DHX30: variants seen among roughly 807,000 people sequenced by gnomAD.
DHX30 encodes ATP-dependent RNA helicase DHX30.
In DHX30, 4 loss-of-function variants were observed where a neutral mutation model predicts 116.9. The ratio of observed to expected loss-of-function variants is 0.03; its 90% CI spans 0.02 to 0.08. DHX30 has a LOEUF of 0.08. Among genes scored for constraint, DHX30 ranks in the 10% least tolerant of loss-of-function variants. The probability of loss-of-function intolerance (pLI) is 1.00; values close to 1 mark genes in which losing one functional copy is unlikely to be tolerated. For synonymous variants in DHX30, 697 were observed against 651.7 expected, an observed-to-expected ratio of 1.07 and a Z score of -1.06; for missense variants, 871 against 1,595.1, an observed-to-expected ratio of 0.55 and a Z score of 7.73.
chr3:47,847,031 T>G lies in DHX30; in HGVS notation c.1929+30T>G. ...GGGACACCCCCATCCCACCCAAGGC[T>G]CCTGGCCTTTCCTCCGTGGATGCCC... On this transcript the variant is annotated intron_variant, in intron 11 of 21. Transcript: ENST00000445061. The surrounding 1 kb of genome is among the most constrained non-coding windows in gnomAD (Gnocchi z 5.5). 6.3e-7 allele frequency: 1 copy of G among 1,586,210 alleles called. No individual in the cohort carries two copies. Among genetic ancestry groups the G allele is most frequent in the Non-Finnish European group, 8.6e-7 (1 of 1,164,722 alleles).
chr3:47,840,861 C>A lies in DHX30; in HGVS notation c.367-16C>A. On this transcript the variant is annotated splice_polypyrimidine_tract_variant and intron_variant, in intron 6 of 21. Transcript: ENST00000445061. Reference sequence around the variant, plus strand: ...AAGATGGTATCAATCCTTAAAACGTCCCTTTTCCCCTCCAGGGTTGGGGTC... The same window carrying A: ...AAGATGGTATCAATCCTTAAAACGTACCTTTTCCCCTCCAGGGTTGGGGTC... The A allele has an allele frequency of 6.2e-7, 1 of 1,614,062 alleles. No homozygotes were observed. Among genetic ancestry groups the A allele is most frequent in the Non-Finnish European group, 8.5e-7 (1 of 1,180,012 alleles).
rs1286671771 is a variant in DHX30, at chr3:47,850,074, G to A, written c.3539G>A (p.Arg1180Gln). The A allele has an allele frequency of 4.4e-6, 7 of 1,597,206 alleles. No homozygotes were observed. The highest frequency in any genetic ancestry group is 4.3e-6 in the Non-Finnish European group (5 of 1,173,930). The change falls in exon 22 of 22, where the codon CGA becomes CAA. Residue 1180 changes from arginine to glutamine, a missense_variant. Physicochemically the swap from Arg to Gln is conservative, Grantham distance 43 (BLOSUM62 1). Transcript: ENST00000445061. ...QLLALLAELLRGPCGSFDVRK... is the reference protein window; with the variant it reads ...QLLALLAELLQGPCGSFDVRK... The stretch of plus-strand genomic sequence containing the variant: ...CTTGCGCTACTGGCAGAGCTGCTGC[G>A]AGGACCCTGTGGCAGCTTTGATGTG...
Position 47,847,231 on chromosome 3 carries a change from T to TA in DHX30, c.1930-41dup. The TA allele has an allele frequency of 3.7e-6, 6 of 1,613,240 alleles. No individual in the cohort carries two copies. Among genetic ancestry groups the TA allele is most frequent in the Non-Finnish European group, 5.1e-6 (6 of 1,179,204 alleles). The stretch of plus-strand genomic sequence containing the variant: ...TGGCTGTGTCCTTGGCATGACCCCT[T>TA]ACCCCGGGGCTGTGACTGTGGCCTC... On this transcript the variant is annotated intron_variant, in intron 11 of 21. Coordinates refer to ENST00000445061, the MANE Select transcript of DHX30 (RefSeq NM_138615.3). This position sits in a 1 kb window ranked among gnomAD's most constrained non-coding sequence, Gnocchi z 5.5.
chr3:47,818,460 C>T (rs1401312350), intron 4 of DHX30, among the ~76,000 whole-genome samples: 2 of 152,106 alleles, frequency 1.3e-5, no homozygotes, highest in African/African-American at 2.4e-5. Flanking sequence ...TCAGGTGGCT[C>T]AGAGAGCAGG....
chr3:47,810,704 C>G lies in DHX30; in HGVS notation c.21C>G (p.Phe7Leu), dbSNP rs1204790603. The G allele has an allele frequency of 1.9e-6, 3 of 1,614,106 alleles. No individual in the cohort carries two copies. The South Asian group carries it at 3.3e-5, about 18-fold the overall frequency. MFSLDS[F>L]RKDRAQHRQR... is the part of the protein sequence containing the mutation. ...CAGAAATGTTCAGCCTGGACTCATTCAGAAAAGGTAAGACTGCAACTGTGC... is the reference window on the plus strand; with the variant it reads ...CAGAAATGTTCAGCCTGGACTCATTGAGAAAAGGTAAGACTGCAACTGTGC... The change falls in exon 3 of 22, where the codon TTC (phenylalanine) becomes TTG (leucine). Residue 7 changes from phenylalanine (F) to leucine (L), a missense_variant. Transcript: ENST00000445061.
In DHX30 at chr3:47,849,014, G is replaced by A. The variant is rs1321443704; in HGVS notation, c.2864G>A (p.Arg955His). ...GWEEVLRWQDRSSRENYLEEN... is the reference protein window; with the variant it reads ...GWEEVLRWQDHSSRENYLEEN... ...GAGGAGGTGCTGCGTTGGCAGGACC[G>A]CAGCTCCCGGGAGAATTACCTGGAG... is the stretch of plus-strand genomic sequence containing the variant. The change falls in exon 18 of 22, where the codon CGC (arginine) becomes CAC (histidine). Residue 955 changes from arginine to histidine, a missense_variant. Physicochemically the swap from Arg to His is conservative, Grantham distance 29. Transcript: ENST00000445061. The A allele has an allele frequency of 2.5e-6, 4 of 1,613,310 alleles. No individual in the cohort carries two copies. The African/African-American group carries it at 4.0e-5, about 16-fold the overall frequency.
Position 47,846,422 on chromosome 3 carries a change from C to T in DHX30, c.1350C>T (p.His450=), listed in dbSNP as rs778172464. The T allele has an allele frequency of 6.2e-7, 1 of 1,614,164 alleles. No homozygotes were observed. The highest frequency in any genetic ancestry group is 1.6e-4 in the Middle Eastern group (1 of 6,062). The change falls in exon 11 of 22, where the codon CAC becomes CAT. Residue 450 remains histidine, a synonymous_variant. Coordinates refer to ENST00000445061, the MANE Select transcript of DHX30 (RefSeq NM_138615.3). ...CCATCCTCAACGCCATTGAGCAGCA[C>T]CCGGTGGTGGTCATCTCTGGGGACA... The part of the protein sequence containing the change: ...RDTILNAIEQ[H]PVVVISGDTG...
chr3:47,840,006 T>C (rs2037299762), intron 6 of DHX30, among the ~76,000 whole-genome samples: 1 of 149,262 alleles, frequency 6.7e-6, no homozygotes, highest in African/African-American at 2.5e-5. Flanking sequence ...TTCTTTTCTT[T>C]TTTTTTTTGA....
intron 6 of DHX30, among the ~76,000 whole-genome samples, chr3:47,829,981 G>A (rs949488769): frequency 6.6e-6 from 1 of 151,100 alleles, no homozygotes; most frequent in African/African-American, 2.4e-5. Flanking sequence ...ACAGGTGCCC[G>A]CCACCATGCC....
At position 47,849,453 on chromosome 3, in the gene DHX30, G is replaced by A. The variant is rs778171328; in HGVS notation, c.3090G>A (p.Val1030=). The change falls in exon 20 of 22, where the codon GTG becomes GTA. Residue 1030 remains valine, a splice_region_variant and synonymous_variant. Transcript: ENST00000445061. ...MAGLYPNLIQ[V]RQGKVTRQGK... ...CGTCTTTTCCTCCATCCCTGCAGGT[G>A]AGGCAGGGCAAGGTCACCCGGCAGG... 53 of 1,572,320 alleles carry A rather than the reference G, an allele frequency of 3.4e-5. No homozygotes were observed. The highest frequency in any genetic ancestry group is 4.5e-5 in the Non-Finnish European group (52 of 1,155,858).
At chr3:47,830,109 C>T (rs1343052209) in intron 6 of DHX30, among the ~76,000 whole-genome samples, 2 of 150,682 alleles carry the variant, frequency 1.3e-5, no homozygotes, top group Admixed American at 6.6e-5. Flanking sequence ...GGATTACAGG[C>T]ATGAGCCACC....
At position 47,846,706 on chromosome 3, in the gene DHX30, A is replaced by G. The variant is rs2037622366; in HGVS notation, c.1634A>G (p.Gln545Arg). 6.2e-7 allele frequency: 1 copy of G among 1,614,070 alleles called. No homozygotes were observed. The highest frequency in any genetic ancestry group is 1.3e-5 in the African/African-American group (1 of 75,064). ...GTGGGTATCCTGCTGCGTAAGCTGC[A>G]GAGCAACCCCAGCCTGGAGGGCGTG... ...CTVGILLRKL[Q>R]SNPSLEGVSH... The change falls in exon 11 of 22, where the codon CAG becomes CGG. Residue 545 changes from glutamine to arginine, a missense_variant. Physicochemically the swap from Gln to Arg is conservative, Grantham distance 43. This residue lies in a region of DHX30 where 63 missense variants were observed against 180.6 expected (regional missense o/e 0.35). Transcript: ENST00000445061.
In DHX30 at chr3:47,845,690, C is replaced by G. The variant is rs376062811; in HGVS notation, c.940-10C>G. 3.2e-6 allele frequency: 5 copies of G among 1,580,790 alleles called. No homozygotes were observed. The highest frequency in any genetic ancestry group is 1.1e-5 in the South Asian group (1 of 88,288). On this transcript the variant is annotated splice_polypyrimidine_tract_variant and intron_variant, in intron 9 of 21. Transcript: ENST00000445061. ...AGAGCATAGACTGAGTCTTGCATGT[C>G]CCCCTGCAGAGCCTGGGCCTGGTGG...
intron 2 of DHX30, among the ~76,000 whole-genome samples, chr3:47,808,327 C>T (rs2035627479): frequency 6.6e-6 from 1 of 151,992 alleles, no homozygotes; most frequent in African/African-American, 2.4e-5. Context: ...AGTGATCCTC[C>T]TGCCTCAGCC....
chr3:47,832,076 C>CTT (rs565015686), intron 6 of DHX30, among the ~76,000 whole-genome samples: 43 of 139,234 alleles, frequency 3.1e-4, no homozygotes, highest in African/African-American at 9.4e-4. Context: ...CAGTTAATAT[C>CTT]TTTTTTTTTT....
intron 3 of DHX30, among the ~76,000 whole-genome samples, chr3:47,817,157 C>T (rs1262416848): frequency 2.0e-5 from 3 of 152,166 alleles, no homozygotes; most frequent in African/African-American, 4.8e-5. Context: ...CCCTTCTACC[C>T]CATTTACTGT....
At chr3:47,826,538 C>T (rs368015251) in intron 4 of DHX30, among the ~76,000 whole-genome samples, 15 of 151,890 alleles carry the variant, frequency 9.9e-5, no homozygotes, top group African/African-American at 3.1e-4. Context: ...CTCCGCCTCC[C>T]GGGTTCAAGC....
chr3:47,807,147 A>G (rs2035566088), intron 2 of DHX30, among the ~76,000 whole-genome samples: 1 of 151,844 alleles, frequency 6.6e-6, no homozygotes, highest in Admixed American at 6.6e-5. Context: ...TGGAGGTTGT[A>G]GTGAGCAGAG....
At chr3:47,837,106 T>C (rs1471101296) in intron 6 of DHX30, among the ~76,000 whole-genome samples, 1 of 152,112 alleles carries the variant, frequency 6.6e-6, no homozygotes, top group Non-Finnish European at 1.5e-5. Context: ...AGAAGAGGCT[T>C]ATTCTTGAAG....
Sources: gnomAD v4.1 joint callset for allele counts (sites outside exome capture counted in the v4.1 genomes callset) on GRCh38, gnomAD v4.1.1 for gene constraint, gnomAD v4.1.1 regional missense constraint, Gnocchi (gnomAD v3.1) non-coding constraint, MANE v1.5 for transcripts, NCBI Gene and HGNC (gene_info 2026-07-23, HGNC 2026-07-21) for gene names.